DNAH7: variants seen among roughly 807,000 people sequenced by gnomAD.
DNAH7 encodes axonemal beta dynein heavy chain 7.
Under a neutral mutation model 444.6 loss-of-function variants are expected in DNAH7, and 397 were observed. The ratio of observed to expected loss-of-function variants is 0.89; its 90% CI spans 0.82 to 0.97. The LOEUF is 0.97. Ranked by LOEUF, DNAH7 falls within the 50% of genes least tolerant of loss-of-function variation. DNAH7 has a pLI of 0.00. For synonymous variants in DNAH7, 1,636 were observed against 1,624.4 expected, an observed-to-expected ratio of 1.01 and a Z score of -0.17; for missense variants, 4,902 against 4,800.8, an observed-to-expected ratio of 1.02 and a Z score of -0.62.
rs571043401 is a variant in DNAH7 at position 196,049,727 on chromosome 2, CATCA to C, written c.142-1327_142-1324del. Among the ~76,000 whole-genome samples the C allele has an allele frequency of 5.9e-5, 9 of 152,304 alleles. No individual in the cohort carries two copies. The East Asian group carries it at 1.7e-3, about 29-fold the overall frequency. ...AAATATGAATACAAAACCAGGTTTA[CATCA>C]GTCAATAAAAGCATTTTAGATGATT... On this transcript the variant is annotated intron_variant, in intron 3 of 64. Transcript: ENST00000312428.
intron 10 of DNAH7, among the ~76,000 whole-genome samples, chr2:196,002,525 G>A (rs1231369106): frequency 6.6e-6 from 1 of 152,098 alleles, no homozygotes; most frequent in Non-Finnish European, 1.5e-5. Flanking sequence ...CAACACTACA[G>A]AATTTTAAAA....
chr2:195,844,372 A>G (rs115108410), intron 47 of DNAH7, among the ~76,000 whole-genome samples: 2,802 of 152,270 alleles, frequency 0.018, 78 homozygotes, highest in African/African-American at 0.063. Context: ...GGCTCACGGT[A>G]ATGTGAACTT....
chr2:195,976,696 C>G (rs552863505), intron 15 of DNAH7, among the ~76,000 whole-genome samples: 2 of 148,088 alleles, frequency 1.4e-5, no homozygotes, highest in Non-Finnish European at 3.0e-5. Flanking sequence ...TTGTGTCACC[C>G]CTCCCCCAGT....
At position 195,777,823 on chromosome 2, in the gene DNAH7, A is replaced by G; in HGVS notation, c.11041T>C (p.Tyr3681His). The G allele has an allele frequency of 6.2e-7, 1 of 1,613,302 alleles. No individual in the cohort carries two copies. Among genetic ancestry groups the G allele is most frequent in the Non-Finnish European group, 8.5e-7 (1 of 1,179,424 alleles). The change falls in exon 59 of 65, where the codon TAT (tyrosine) becomes CAT (histidine). Residue 3681 changes from tyrosine (Y) to histidine (H), a missense_variant. By Grantham distance (83) the Tyr-to-His change is moderately conservative. Coordinates refer to ENST00000312428, the MANE Select transcript of DNAH7 (RefSeq NM_018897.3). ...ACATCACCAGAAGGAGGAACAAAAT[A>G]GATGCCACTTGAGTCGAACTTATAG... is the stretch of plus-strand genomic sequence containing the variant. ...SDYKFDSSGI[Y>H]FVPPSGDHKS...
In DNAH7 at chr2:196,061,265, T is replaced by C. The variant is rs147679485; in HGVS notation, c.16-3149A>G. On this transcript the variant is annotated intron_variant, in intron 1 of 64. Coordinates refer to ENST00000312428, the MANE Select transcript of DNAH7 (RefSeq NM_018897.3). ...ATCCTCAGGTATGTTTCCTTTCTAA[T>C]TGACCCCATCCAGCCCAAATATTTT... is the stretch of plus-strand genomic sequence containing the variant. 5.5e-3 allele frequency among the ~76,000 whole-genome samples: 831 copies of C among 152,248 alleles called. 8 individuals carry two copies. Among genetic ancestry groups the C allele is most frequent in the African/African-American group, 0.019 (792 of 41,554 alleles).
chr2:196,007,606 A>T (rs931698241), intron 10 of DNAH7, among the ~76,000 whole-genome samples: 1 of 152,158 alleles, frequency 6.6e-6, no homozygotes, highest in Non-Finnish European at 1.5e-5. Context: ...GTCAAAGCTG[A>T]GACCAGTGGA....
chr2:195,820,293 TG>T (rs1190660865), intron 49 of DNAH7, among the ~76,000 whole-genome samples: 42 of 150,368 alleles, frequency 2.8e-4, no homozygotes, highest in Non-Finnish European at 4.6e-4. Flanking sequence ...TGGGGCCTGT[TG>T]GGGGGTATGA....
At chr2:195,772,837 G>A (rs1167290826) in intron 60 of DNAH7, among the ~76,000 whole-genome samples, 4 of 143,864 alleles carry the variant, frequency 2.8e-5, no homozygotes, top group South Asian at 2.2e-4. Context: ...CTGGAGTGCC[G>A]TGGCACGATT....
chr2:195,945,031 T>TA (rs1301479400), intron 19 of DNAH7, among the ~76,000 whole-genome samples: 1 of 151,766 alleles, frequency 6.6e-6, no homozygotes, highest in Non-Finnish European at 1.5e-5. Context: ...CAGATACTCC[T>TA]AGTGTCCTAT....
intron 46 of DNAH7, 90 bp from the exon 47 acceptor site, chr2:195,845,255 G>C: frequency 1.9e-6 from 2 of 1,042,412 alleles, no homozygotes; most frequent in Non-Finnish European, 2.7e-6. Context: ...TGTATTCATT[G>C]AGTCAACAAA....
At chr2:195,756,330 A>G in intron 61 of DNAH7, 45 bp from the exon 62 acceptor site, 1 of 1,480,700 alleles carries the variant, frequency 6.8e-7, no homozygotes, top group Non-Finnish European at 9.1e-7. Context: ...ATAGATTATG[A>G]TAGATTATAA....
chr2:195,754,703 G>A (rs1053781812), intron 62 of DNAH7, among the ~76,000 whole-genome samples, 189 bp from the exon 63 acceptor site: 1 of 151,990 alleles, frequency 6.6e-6, no homozygotes, highest in Non-Finnish European at 1.5e-5. Context: ...AGTTGAGAAG[G>A]GGTTTTGCTA....
At position 195,960,339 on chromosome 2, in the gene DNAH7, T is replaced by C. The variant is rs1368921240; in HGVS notation, c.2812A>G (p.Met938Val). Residue 938 changes from methionine (M) to valine (V), a missense_variant, in exon 18 of 65, where the codon ATG becomes GTG. Transcript: ENST00000312428. Reference protein sequence around the residue: ...FILASVDEIQMLLDDHIIKTQ... With the variant: ...FILASVDEIQVLLDDHIIKTQ... ...TTAATAATATGGTCATCCAACAACA[T>C]CTGAATTTCATCAACTGATGCCAAA... is the stretch of plus-strand genomic sequence containing the variant. 1.9e-6 allele frequency: 3 copies of C among 1,613,894 alleles called. No homozygotes were observed. The highest frequency in any genetic ancestry group is 2.5e-6 in the Non-Finnish European group (3 of 1,180,030).
At chr2:195,972,946 G>C (rs1691946182) in intron 15 of DNAH7, among the ~76,000 whole-genome samples, 1 of 152,216 alleles carries the variant, frequency 6.6e-6, no homozygotes, top group Non-Finnish European at 1.5e-5. Flanking sequence ...GCTTGCAACA[G>C]AGACAACTGC....
chr2:195,778,051 T>C lies in DNAH7; in HGVS notation c.10879-66A>G, dbSNP rs1040615630. On this transcript the variant is annotated intron_variant, in intron 58 of 64. Transcript: ENST00000312428. ...GTTATACAGAATCGTGTTTCTTGTT[T>C]TTTCCTATTACTAAATTAAACATCT... is the stretch of plus-strand genomic sequence containing the variant. The C allele has an allele frequency of 1.8e-5, 25 of 1,361,184 alleles. No homozygotes were observed. In the African/African-American group the frequency reaches 3.4e-4, roughly 18 times the overall value. The allele number at this position is 1,361,184 out of a possible 1,614,324, so 84.3% of individuals were successfully genotyped here. A position where few individuals can be genotyped will look rare whatever the true frequency, so the allele number is the denominator to read the frequency against.
intron 9 of DNAH7, among the ~76,000 whole-genome samples, chr2:196,015,984 T>C (rs770529358): frequency 3.3e-4 from 50 of 152,346 alleles, no homozygotes; most frequent in Non-Finnish European, 1.0e-4. Context: ...GTCTTTACCA[T>C]GGATGCCTTG....
intron 47 of DNAH7, among the ~76,000 whole-genome samples, chr2:195,838,798 T>C (rs749758101): frequency 6.6e-6 from 1 of 151,858 alleles, no homozygotes; most frequent in African/African-American, 2.4e-5. Flanking sequence ...GATAGTATAT[T>C]AGAAAAAATA....
At chr2:195,980,085 A>AAAAAAAAAAAAAAAAAAAAAAAAAAT (rs1559298243) in intron 15 of DNAH7, among the ~76,000 whole-genome samples, 1 of 125,806 alleles carries the variant, frequency 7.9e-6, no homozygotes, top group Non-Finnish European at 1.7e-5. Context: ...AAAAAAAAAA[A>AAAAAAAAAAAAAAAAAAAAAAAAAAT]ACTAGAGGAG....
intron 53 of DNAH7, among the ~76,000 whole-genome samples, chr2:195,807,167 C>CT (rs923772054): frequency 1.4e-5 from 2 of 143,266 alleles, no homozygotes; most frequent in Non-Finnish European, 3.1e-5. Context: ...TTTTTTTTTT[C>CT]TTTTTTTAAG....
Sources: allele counts gnomAD v4.1 joint callset (sites outside exome capture counted in the v4.1 genomes callset), GRCh38; gene constraint gnomAD v4.1.1; transcripts MANE v1.5; gene names NCBI Gene and HGNC (gene_info 2026-07-23, HGNC 2026-07-21).